RC3H2: variants seen among roughly 807,000 people sequenced by gnomAD.
The protein encoded by RC3H2 is ring finger and CCCH-type domains 2, also known as roquin-2.
In RC3H2, 31 loss-of-function variants were observed where a neutral mutation model predicts 133.3. The ratio of observed to expected loss-of-function variants is 0.23; its 90% confidence interval spans 0.17 to 0.31. The LOEUF (loss-of-function observed/expected upper bound fraction) is 0.31. Among genes scored for constraint, RC3H2 ranks in the 10% least tolerant of loss-of-function variants. RC3H2 has a pLI of 1.00. For synonymous variants in RC3H2, 517 were observed against 502.2 expected (o/e 1.03, Z -0.40); for missense variants, 1,175 against 1,437.2 (o/e 0.82, Z 2.95).
chr9:122,872,259 G>C (rs998850640), intron 9 of RC3H2, among the ~76,000 whole-genome samples: 1 of 152,060 alleles, frequency 6.6e-6, no homozygotes, highest in Admixed American at 6.6e-5. Context: ...ACATTCAATT[G>C]GTCCATGTTG....
chr9:122,904,812 G>A (rs1256534754), intron 1 of RC3H2, among the ~76,000 whole-genome samples: 3 of 152,230 alleles, frequency 2.0e-5, no homozygotes, highest in African/African-American at 7.2e-5. Flanking sequence ...GGAGAGTGAA[G>A]CCGGGCCTTT....
At chr9:122,886,974 T>C (rs1231438850) in intron 4 of RC3H2, among the ~76,000 whole-genome samples, 2 of 152,232 alleles carry the variant, frequency 1.3e-5, no homozygotes, top group South Asian at 2.1e-4. Context: ...TTAAATTCTA[T>C]ATAAAAGTAG....
At position 122,846,769 on chromosome 9, in the gene RC3H2, C is replaced by T. The variant is rs1564276745; in HGVS notation, c.*2858G>A. On this transcript the variant is annotated 3_prime_UTR_variant, in exon 21 of 21. Transcript: ENST00000357244. ...ACATCACATCTTGTTGGTAAAAAGG[C>T]CAAATGACGGGAAATGCCTCAATTT... The T allele has an allele frequency of 6.6e-6, 1 of 152,100 alleles. No homozygotes were observed. Among genetic ancestry groups the T allele is most frequent in the Non-Finnish European group, 1.5e-5 (1 of 67,986 alleles). 9.4% of individuals were successfully genotyped at this position (152,100 alleles called of 1,614,324 possible).
intron 9 of RC3H2, among the ~76,000 whole-genome samples, chr9:122,870,051 A>G (rs1035703831): frequency 6.6e-6 from 1 of 152,100 alleles, no homozygotes; most frequent in Non-Finnish European, 1.5e-5. Flanking sequence ...CCTATACAGA[A>G]TATCGTGTCT....
chr9:122,860,293 C>CT (rs1830407549), intron 10 of RC3H2, among the ~76,000 whole-genome samples, 162 bp from the exon 11 acceptor site: 2 of 152,050 alleles, frequency 1.3e-5, no homozygotes, highest in Admixed American at 1.3e-4. Flanking sequence ...TGCCACCTTA[C>CT]ACAGCTAATT....
rs770089982 is a variant in RC3H2, at chr9:122,855,257, T to C, written c.2742A>G (p.Thr914=). 5 of 1,614,198 alleles carry C rather than the reference T, an allele frequency of 3.1e-6. No individual in the cohort carries two copies. The South Asian group carries it at 4.4e-5, about 14-fold the overall frequency. Residue 914 remains threonine, a synonymous_variant, in exon 15 of 21, where the codon ACA becomes ACG. Transcript: ENST00000357244. ...KWGAISRSSR[T]GYHTTDPVQA... The stretch of plus-strand genomic sequence containing the variant: ...GGACAGGATCTGTGGTATGGTAACC[T>C]GTACGGGAAGATCTGGAAATCGCAC...
At chr9:122,858,134 G>A in intron 12 of RC3H2, 41 bp from the exon 13 acceptor site, 1 of 1,565,122 alleles carries the variant, frequency 6.4e-7, no homozygotes, top group Non-Finnish European at 8.7e-7. Context: ...CATCTAGGGA[G>A]TGGTGAATAA....
chr9:122,876,531 G>C (rs943178440), intron 9 of RC3H2, among the ~76,000 whole-genome samples: 1 of 151,882 alleles, frequency 6.6e-6, no homozygotes, highest in Non-Finnish European at 1.5e-5. Context: ...GGGAGGCTGA[G>C]GCAGGAGTAT....
intron 10 of RC3H2, 57 bp downstream of exon 10, chr9:122,865,292 C>G: frequency 7.0e-7 from 1 of 1,423,306 alleles, no homozygotes; most frequent in Non-Finnish European, 9.6e-7. Flanking sequence ...TAAAAACACT[C>G]AGGCATTTCT....
chr9:122,849,881 T>A, intron 20 of RC3H2, 59 bp from the exon 21 acceptor site: 1 of 1,182,442 alleles, frequency 8.5e-7, no homozygotes, highest in Non-Finnish European at 1.2e-6. Context: ...CTGTTAAGGG[T>A]GACTATACAT....
intron 6 of RC3H2, 32 bp downstream of exon 6, chr9:122,880,562 G>C (rs1831575741): frequency 6.6e-7 from 1 of 1,512,030 alleles, no homozygotes; most frequent in Non-Finnish European, 9.2e-7. Context: ...TAACAGCAAT[G>C]ATAGAACATC....
At chr9:122,872,757 G>T (rs1354485467) in intron 9 of RC3H2, among the ~76,000 whole-genome samples, 1 of 152,082 alleles carries the variant, frequency 6.6e-6, no homozygotes, top group Non-Finnish European at 1.5e-5. Context: ...GCTAATTTTT[G>T]TATTGTTAGT....
intron 17 of RC3H2, 32 bp downstream of exon 17, chr9:122,854,153 T>C: frequency 6.2e-7 from 1 of 1,612,066 alleles, no homozygotes; most frequent in Non-Finnish European, 8.5e-7. Flanking sequence ...ATTCTATTTC[T>C]CAAAAATTTA....
In RC3H2 at chr9:122,865,372, G is replaced by A; in HGVS notation, c.1611C>T (p.Pro537=). ...VGANGQNAAG[P]SADSVTENKI... ...ACTTTTCAGTTACAGAATCTGCAGA[G>A]GGCCCAGCAGCATTCTGACCATTAG... Residue 537 remains proline, a synonymous_variant, in exon 10 of 21, where the codon CCC becomes CCT. Transcript: ENST00000357244. 19 of 1,608,604 alleles carry A rather than the reference G, an allele frequency of 1.2e-5. No homozygotes were observed. The highest frequency in any genetic ancestry group is 1.6e-5 in the Non-Finnish European group (19 of 1,175,406).
intron 4 of RC3H2, among the ~76,000 whole-genome samples, chr9:122,886,788 T>A (rs1831934313): frequency 6.6e-6 from 1 of 152,230 alleles, no homozygotes; most frequent in Non-Finnish European, 1.5e-5. Flanking sequence ...ACTCAGGGTT[T>A]TTTCATGTGC....
rs758520180 is a variant in RC3H2, at chr9:122,849,737, T to C, written c.3466A>G (p.Ile1156Val). The change falls in exon 21 of 21, where the codon ATC becomes GTC. Residue 1156 changes from isoleucine (I) to valine (V), a missense_variant. Physicochemically the swap from Ile to Val is conservative, Grantham distance 29 (BLOSUM62 3). This residue lies in a region of RC3H2 where 220 missense variants were observed against 201.1 expected (regional missense o/e 1.09). Transcript: ENST00000357244. ...TTGCCAGCACTGACAGATGTGGTGATGGGGAGGCAACTTGCATTGCTAATA... is the reference window on the plus strand; with the variant it reads ...TTGCCAGCACTGACAGATGTGGTGACGGGGAGGCAACTTGCATTGCTAATA... ...VSISNASCLPITTSVSAGNLI... is the reference protein window; with the variant it reads ...VSISNASCLPVTTSVSAGNLI... 1.2e-6 allele frequency: 2 copies of C among 1,610,000 alleles called. No homozygotes were observed. The highest frequency in any genetic ancestry group is 8.5e-7 in the Non-Finnish European group (1 of 1,178,060).
At chr9:122,862,603 A>T (rs1026646369) in intron 10 of RC3H2, among the ~76,000 whole-genome samples, 1 of 152,136 alleles carries the variant, frequency 6.6e-6, no homozygotes, top group African/African-American at 2.4e-5. Context: ...ATTTTTTAAA[A>T]GTCTTTACCA....
chr9:122,902,719 G>A (rs935898236), intron 1 of RC3H2, among the ~76,000 whole-genome samples: 1 of 151,872 alleles, frequency 6.6e-6, no homozygotes, highest in African/African-American at 2.4e-5. Flanking sequence ...TGGTGTAGTG[G>A]TGCCTTCCTG....
chr9:122,889,913 A>G (rs1832087647), intron 4 of RC3H2, among the ~76,000 whole-genome samples: 1 of 152,186 alleles, frequency 6.6e-6, no homozygotes, highest in African/African-American at 2.4e-5. Context: ...AGGCTGGGGC[A>G]GGCAGATCAC....
Sources: gnomAD v4.1 joint callset for allele counts (sites outside exome capture counted in the v4.1 genomes callset) on GRCh38, gnomAD v4.1.1 for gene constraint, gnomAD v4.1.1 regional missense constraint, MANE v1.5 for transcripts, NCBI Gene and HGNC (gene_info 2026-07-23, HGNC 2026-07-21) for gene names.